Variants in BMP5 observed in about 807,000 individuals in gnomAD.
BMP5 encodes bone morphogenetic protein 5.
In BMP5, 23 loss-of-function variants were observed where a neutral mutation model predicts 46.6. That is an observed-to-expected ratio of 0.49 (90% confidence interval 0.35 to 0.70). The LOEUF is 0.70. BMP5 is among the 30% of genes least tolerant of loss of function. The pLI is 0.00. For synonymous variants in BMP5, 204 were observed against 191.9 expected, an observed-to-expected ratio of 1.06 and a Z score of -0.52; for missense variants, 545 against 565.6, an observed-to-expected ratio of 0.96 and a Z score of 0.37.
At chr6:55,825,907 A>G (rs1187101181) in intron 1 of BMP5, among the ~76,000 whole-genome samples, 1 of 151,882 alleles carries the variant, frequency 6.6e-6, no homozygotes, top group Non-Finnish European at 1.5e-5. Context: ...TTGAAAGAAT[A>G]CAGATCATTG....
chr6:55,826,397 ATAAC>A (rs770185088), intron 1 of BMP5, among the ~76,000 whole-genome samples: 6 of 151,856 alleles, frequency 4.0e-5, no homozygotes, highest in African/African-American at 1.4e-4. Context: ...ATATTCTACT[ATAAC>A]TAAACAAATT....
At chr6:55,843,727 C>T (rs924879449) in intron 1 of BMP5, among the ~76,000 whole-genome samples, 1 of 151,938 alleles carries the variant, frequency 6.6e-6, no homozygotes, top group African/African-American at 2.4e-5. Context: ...ATCTTTAACC[C>T]AAAGTATTAA....
At chr6:55,841,654 C>T (rs1458051690) in intron 1 of BMP5, among the ~76,000 whole-genome samples, 1 of 152,156 alleles carries the variant, frequency 6.6e-6, no homozygotes, top group Non-Finnish European at 1.5e-5. Flanking sequence ...TGCAGATGGT[C>T]ACCCTCTTGC....
At chr6:55,786,859 G>A (rs997465857) in intron 3 of BMP5, among the ~76,000 whole-genome samples, 4 of 151,466 alleles carry the variant, frequency 2.6e-5, no homozygotes, top group African/African-American at 9.7e-5. Flanking sequence ...AGCAAAAGGG[G>A]AGCCATATGG....
chr6:55,835,724 A>G (rs79756965), intron 1 of BMP5, among the ~76,000 whole-genome samples: 3,062 of 152,292 alleles, frequency 0.02, 104 homozygotes, highest in African/African-American at 0.069. Context: ...TGAAATGCCA[A>G]CTATAGCCTA....
At position 55,854,288 on chromosome 6, in the gene BMP5, A is replaced by G. The variant is rs144627540; in HGVS notation, c.490+20088T>C. On this transcript the variant is annotated intron_variant, in intron 1 of 6. Coordinates refer to ENST00000370830, the MANE Select transcript of BMP5 (RefSeq NM_021073.4). ...CTGATACTAAACAAAATATATAAAG[A>G]TCATTTTGATAAAGTCATTGACAAA... Among the ~76,000 whole-genome samples the G allele has an allele frequency of 6.0e-3, 916 of 152,262 alleles. 12 individuals carry two copies. Among genetic ancestry groups the G allele is most frequent in the African/African-American group, 0.021 (865 of 41,564 alleles).
At chr6:55,844,891 G>T (rs1198844627) in intron 1 of BMP5, among the ~76,000 whole-genome samples, 1 of 151,892 alleles carries the variant, frequency 6.6e-6, no homozygotes, top group African/African-American at 2.4e-5. Context: ...AGCTAAAAAT[G>T]TATATTTTGA....
In BMP5 at chr6:55,753,866, ATTTTAAAATATGGAAATATAT is replaced by A. The variant is rs1230634861; in HGVS notation, c.*1646_*1666del. 2.0e-5 allele frequency: 3 copies of A among 152,096 alleles called. No individual in the cohort carries two copies. Among genetic ancestry groups the A allele is most frequent in the African/African-American group, 7.2e-5 (3 of 41,556 alleles). The allele number at this position is 152,096 out of a possible 1,614,324, so 9.4% of individuals were successfully genotyped here. Reference sequence around the variant, plus strand: ...GCAGAAATTAGCATCTGTTTAATATATTTTAAAATATGGAAATATATTTAAACAGCACATTTAAAGAATAAA... The same window carrying A: ...GCAGAAATTAGCATCTGTTTAATATATTAAACAGCACATTTAAAGAATAAA... On this transcript the variant is annotated 3_prime_UTR_variant, in exon 7 of 7. Coordinates refer to ENST00000370830, the MANE Select transcript of BMP5 (RefSeq NM_021073.4).
chr6:55,790,676 T>C (rs1225476251), intron 3 of BMP5, among the ~76,000 whole-genome samples: 1 of 152,202 alleles, frequency 6.6e-6, no homozygotes, highest in Non-Finnish European at 1.5e-5. Flanking sequence ...TACTTACTGT[T>C]TCTTCATCCA....
chr6:55,800,774 T>C (rs183374364), intron 2 of BMP5, among the ~76,000 whole-genome samples: 154 of 152,344 alleles, frequency 1.0e-3, no homozygotes, highest in Non-Finnish European at 5.0e-4. Flanking sequence ...CAAACTATTT[T>C]TTCATAAGGA....
intron 2 of BMP5, among the ~76,000 whole-genome samples, chr6:55,817,349 C>G (rs1776298041): frequency 6.6e-6 from 1 of 152,112 alleles, no homozygotes; most frequent in South Asian, 2.1e-4. Flanking sequence ...TGGAGCCAAC[C>G]CAAATGTCCA....
intron 1 of BMP5, among the ~76,000 whole-genome samples, chr6:55,872,586 A>G (rs889242332): frequency 3.3e-5 from 5 of 151,758 alleles, no homozygotes; most frequent in Admixed American, 3.3e-4. Context: ...TTCTTACTCT[A>G]TGTAGATTTA....
chr6:55,798,595 CAG>C lies in BMP5; in HGVS notation c.684-4170_684-4169del, dbSNP rs547631294. On this transcript the variant is annotated intron_variant, in intron 2 of 6. Coordinates refer to ENST00000370830, the MANE Select transcript of BMP5 (RefSeq NM_021073.4). ...AAAGTCATCATGCTGTTGTTAAATA[CAG>C]AGTCAGGTTTAACAGATAAAGTTAG... 3.7e-3 allele frequency among the ~76,000 whole-genome samples: 570 copies of C among 152,120 alleles called. 4 individuals carry two copies. The highest frequency in any genetic ancestry group is 6.5e-3 in the Non-Finnish European group (442 of 67,998).
intron 4 of BMP5, among the ~76,000 whole-genome samples, chr6:55,769,138 T>C (rs1165144334): frequency 6.6e-6 from 1 of 151,944 alleles, no homozygotes; most frequent in African/African-American, 2.4e-5. Flanking sequence ...GGCAATTTCT[T>C]AAAAGACAAC....
intron 4 of BMP5, among the ~76,000 whole-genome samples, chr6:55,767,961 C>A (rs1027940773): frequency 5.9e-5 from 9 of 151,852 alleles, no homozygotes; most frequent in Admixed American, 4.6e-4. Context: ...AAAATACATT[C>A]TCTCAAAAGA....
chr6:55,820,704 T>C (rs1159588040), intron 1 of BMP5, among the ~76,000 whole-genome samples: 2 of 151,570 alleles, frequency 1.3e-5, no homozygotes, highest in East Asian at 3.9e-4. Flanking sequence ...TTGCATGAGC[T>C]ACTCTGCCCC....
chr6:55,776,537 G>A (rs754655236), intron 3 of BMP5, among the ~76,000 whole-genome samples: 1 of 146,654 alleles, frequency 6.8e-6, no homozygotes, highest in Admixed American at 6.8e-5. Context: ...TTTTTTTTCT[G>A]TCTTGGAGTA....
chr6:55,790,455 T>A (rs537519012), intron 3 of BMP5, among the ~76,000 whole-genome samples: 21 of 152,298 alleles, frequency 1.4e-4, no homozygotes, highest in Admixed American at 5.9e-4. Context: ...TTGATTAAAG[T>A]AGTAAGTTTA....
At chr6:55,763,900 T>C (rs751117707) in intron 4 of BMP5, among the ~76,000 whole-genome samples, 4 of 152,186 alleles carry the variant, frequency 2.6e-5, no homozygotes, top group Non-Finnish European at 5.9e-5. Context: ...TCGATTTTCT[T>C]TAGTTTGATT....
Sources: gnomAD v4.1 joint callset for allele counts (sites outside exome capture counted in the v4.1 genomes callset) on GRCh38, gnomAD v4.1.1 for gene constraint, MANE v1.5 for transcripts, NCBI Gene and HGNC (gene_info 2026-07-23, HGNC 2026-07-21) for gene names.